Variants in NMNAT1 observed in about 807,000 individuals in gnomAD.
The protein encoded by NMNAT1 is nicotinamide nucleotide adenylyltransferase 1.
Under a neutral mutation model 16.7 loss-of-function variants are expected in NMNAT1, and 11 were observed. The ratio of observed to expected loss-of-function variants is 0.66; its 90% CI spans 0.41 to 1.09. The LOEUF is 1.09. Among genes scored for constraint, NMNAT1 ranks in the 50% least tolerant of loss-of-function variants. The pLI, the probability that NMNAT1 is intolerant of heterozygous loss-of-function variation, is 0.00. For missense variants in NMNAT1, 280 were observed against 332.3 expected, an observed-to-expected ratio of 0.84 and a Z score of 1.22; for synonymous variants, 110 against 119.8, an observed-to-expected ratio of 0.92 and a Z score of 0.53.
intron 1 of NMNAT1, chr1:9,960,894 CT>C (rs1641387552): frequency 6.6e-6 from 1 of 152,258 alleles, no homozygotes; most frequent in Non-Finnish European, 1.5e-5. Context: ...CACAGCCCCC[CT>C]ATACGCATGC....
intron 1 of NMNAT1, among the ~76,000 whole-genome samples, chr1:9,958,451 T>A (rs1239827562): frequency 6.6e-6 from 1 of 151,662 alleles, no homozygotes; most frequent in Non-Finnish European, 1.5e-5. Flanking sequence ...TTGTTTTTTT[T>A]TTTTTTGAGA....
At chr1:9,966,681 A>T (rs1398490008) in intron 1 of NMNAT1, among the ~76,000 whole-genome samples, 4 of 152,136 alleles carry the variant, frequency 2.6e-5, no homozygotes, top group Admixed American at 2.0e-4. Flanking sequence ...TAGCAAAGTT[A>T]TTTTTTTAAC....
the NMNAT1 span, among the ~76,000 whole-genome samples, chr1:9,995,198 A>T: frequency 6.6e-6 from 1 of 151,960 alleles, no homozygotes; most frequent in East Asian, 1.9e-4. Context: ...GGAGTTTGAG[A>T]CCAACCGCCG....
rs932969206 is a variant in NMNAT1 at position 9,956,185 on chromosome 1, T to C, written c.-57+12670T>C. ...TGTTTCTTTTCTTTTTTTTTTTTTT[T>C]TTGAGACAGAGTTTTACTTTGTCAC... On this transcript the variant is annotated intron_variant, in intron 1 of 4. Coordinates refer to ENST00000377205, the MANE Select transcript of NMNAT1 (RefSeq NM_022787.4). 3.3e-5 allele frequency among the ~76,000 whole-genome samples: 5 copies of C among 151,630 alleles called. No homozygotes were observed. The South Asian group carries it at 8.3e-4, about 25-fold the overall frequency.
intron 1 of NMNAT1, among the ~76,000 whole-genome samples, chr1:9,958,999 C>T (rs1641336102): frequency 6.6e-6 from 1 of 152,168 alleles, no homozygotes; most frequent in African/African-American, 2.4e-5. Flanking sequence ...ACAACTTGCA[C>T]AAGCAAATGA....
intron 1 of NMNAT1, among the ~76,000 whole-genome samples, chr1:9,944,502 A>C (rs1640919972): frequency 6.6e-6 from 1 of 152,138 alleles, no homozygotes; most frequent in Non-Finnish European, 1.5e-5. Context: ...TTGTTTCATC[A>C]GGGCAGTTTT....
intron 1 of NMNAT1, among the ~76,000 whole-genome samples, chr1:9,962,360 C>T (rs1030337092): frequency 6.6e-6 from 1 of 151,166 alleles, no homozygotes; most frequent in South Asian, 2.1e-4. Flanking sequence ...TGGGCGCCTG[C>T]AGTCCCAGCT....
At chr1:9,963,520 C>G (rs1641472913) in intron 1 of NMNAT1, among the ~76,000 whole-genome samples, 1 of 151,984 alleles carries the variant, frequency 6.6e-6, no homozygotes, top group Non-Finnish European at 1.5e-5. Flanking sequence ...AACAATTATC[C>G]TGCCTCAGCC....
Position 9,972,188 on chromosome 1 carries a change from G to A in NMNAT1, c.115G>A (p.Gly39Arg). Reference sequence around the variant, plus strand: ...GGCCAAGGACTACATGAATGGAACAGGTAGGAGCAGTAACCAAAAGTGGCT... The same window carrying A: ...GGCCAAGGACTACATGAATGGAACAAGTAGGAGCAGTAACCAAAAGTGGCT... ...ELAKDYMNGT[G>R]RYTVVKGIIS... The change falls in exon 2 of 5, where the codon GGA (glycine) becomes AGA (arginine). Residue 39 changes from glycine (G) to arginine (R), a missense_variant and splice_region_variant. Physicochemically the swap from Gly to Arg is moderately radical, Grantham distance 125. Coordinates refer to ENST00000377205, the MANE Select transcript of NMNAT1 (RefSeq NM_022787.4). The A allele has an allele frequency of 6.4e-7, 1 of 1,564,432 alleles. No individual in the cohort carries two copies. Among genetic ancestry groups the A allele is most frequent in the South Asian group, 1.1e-5 (1 of 89,936 alleles).
At chr1:9,992,423 G>A in the NMNAT1 span, among the ~76,000 whole-genome samples, 1,126 of 152,082 alleles carry the variant, frequency 7.4e-3, 16 homozygotes, top group African/African-American at 0.026. Flanking sequence ...CCTAGTTGAC[G>A]AAAACGGTTC....
intron 1 of NMNAT1, among the ~76,000 whole-genome samples, chr1:9,944,917 C>T (rs1227210791): frequency 6.6e-6 from 1 of 152,170 alleles, no homozygotes; most frequent in Non-Finnish European, 1.5e-5. Context: ...CCTTGCAAGA[C>T]ACTTCAGATT....
At chr1:9,996,550 G>C in the NMNAT1 span, among the ~76,000 whole-genome samples, 1 of 152,092 alleles carries the variant, frequency 6.6e-6, no homozygotes. Context: ...ATACAGTTTT[G>C]GCTAATGAAA....
chr1:9,943,055 A>G (rs1557449769), upstream of NMNAT1: 2 of 279,236 alleles, frequency 7.2e-6, no homozygotes, highest in Non-Finnish European at 1.5e-5. Context: ...CTCTTCCTTG[A>G]AAGTGAGGAG....
At chr1:9,955,452 A>G (rs1641236525) in intron 1 of NMNAT1, among the ~76,000 whole-genome samples, 1 of 150,844 alleles carries the variant, frequency 6.6e-6, no homozygotes, top group Non-Finnish European at 1.5e-5. Context: ...CTAAAAATAC[A>G]AAATTAGCTG....
At chr1:9,995,054 C>T in the NMNAT1 span, among the ~76,000 whole-genome samples, 1 of 151,760 alleles carries the variant, frequency 6.6e-6, no homozygotes, top group Non-Finnish European at 1.5e-5. Context: ...GGACTGCTAG[C>T]TTTTATTATA....
intron 2 of NMNAT1, among the ~76,000 whole-genome samples, chr1:9,974,442 G>A (rs1641762050): frequency 6.7e-6 from 1 of 148,986 alleles, no homozygotes; most frequent in African/African-American, 2.5e-5. Context: ...AGGCTGGAGT[G>A]CAGTGGCATG....
intron 3 of NMNAT1, among the ~76,000 whole-genome samples, 198 bp downstream of exon 3, chr1:9,975,973 CTG>C (rs1174484741): frequency 1.3e-5 from 2 of 152,134 alleles, no homozygotes; most frequent in Non-Finnish European, 2.9e-5. Flanking sequence ...CTTAGCCCCT[CTG>C]TGTCTTTCAT....
intron 3 of NMNAT1, 43 bp downstream of exon 3, chr1:9,975,818 C>CT (rs774180660): frequency 1.9e-5 from 27 of 1,458,652 alleles, no homozygotes; most frequent in Non-Finnish European, 2.5e-5. Context: ...GTGTAAATGG[C>CT]TAAGCGGCTT....
At chr1:9,954,556 G>A (rs191906525) in intron 1 of NMNAT1, among the ~76,000 whole-genome samples, 19 of 152,128 alleles carry the variant, frequency 1.2e-4, no homozygotes, top group African/African-American at 3.6e-4. Context: ...GTTTTTCTAC[G>A]CAGAATCATC....
Sources: allele counts gnomAD v4.1 joint callset (sites outside exome capture counted in the v4.1 genomes callset), GRCh38; gene constraint gnomAD v4.1.1; transcripts MANE v1.5; gene names NCBI Gene and HGNC (gene_info 2026-07-23, HGNC 2026-07-21).